CDIN1: variants seen among roughly 807,000 people sequenced by gnomAD.
CDIN1 encodes CDAN1 interacting nuclease 1, also known as CDAN1-interacting nuclease 1.
CDIN1 carries 33 observed loss-of-function variants against 45.3 expected under a neutral mutation model. The ratio of observed to expected loss-of-function variants is 0.73; its 90% CI spans 0.55 to 0.97. CDIN1 has a LOEUF of 0.97. CDIN1 is among the 50% of genes least tolerant of loss of function. The pLI is 0.00. For missense variants in CDIN1, 303 were observed against 339.4 expected (o/e 0.89, Z 0.84); for synonymous variants, 118 against 124.4 (o/e 0.95, Z 0.34).
intron 5 of CDIN1, chr15:36,691,371 A>AT (rs370420605): frequency 0.03 from 7,606 of 254,196 alleles, 39 homozygotes; most frequent in African/African-American, 0.048. Flanking sequence ...ATATTTTCTG[A>AT]TTTTTTTTTT....
intron 10 of CDIN1, among the ~76,000 whole-genome samples, chr15:36,774,274 G>C (rs980977385): frequency 5.9e-5 from 9 of 151,860 alleles, no homozygotes; most frequent in African/African-American, 2.2e-4. Flanking sequence ...ACTCTCCAAG[G>C]GTTAACAAAC....
chr15:36,695,226 C>T (rs1164474995), intron 7 of CDIN1, among the ~76,000 whole-genome samples: 3 of 151,520 alleles, frequency 2.0e-5, no homozygotes, highest in Non-Finnish European at 4.4e-5. Flanking sequence ...TAATAAATAA[C>T]GAAGTTTTAT....
chr15:36,641,550 G>A (rs962867358), intron 1 of CDIN1: 10 of 152,088 alleles, frequency 6.6e-5, no homozygotes, highest in Admixed American at 3.9e-4. Context: ...GTTTTGATGG[G>A]GTTTTAATAC....
At chr15:36,782,447 T>C (rs1003847382) in intron 10 of CDIN1, among the ~76,000 whole-genome samples, 3 of 152,176 alleles carry the variant, frequency 2.0e-5, no homozygotes, top group African/African-American at 7.2e-5. Flanking sequence ...TTTAGCATTT[T>C]TGTTCCTGCT....
chr15:36,646,335 T>C (rs1387327922), intron 3 of CDIN1, among the ~76,000 whole-genome samples: 1 of 152,116 alleles, frequency 6.6e-6, no homozygotes, highest in Non-Finnish European at 1.5e-5. Flanking sequence ...TAAAAAAAAT[T>C]ATTCACTGCT....
chr15:36,708,307 G>A (rs2042940052), intron 8 of CDIN1: 1 of 151,998 alleles, frequency 6.6e-6, no homozygotes, highest in Non-Finnish European at 1.5e-5. Context: ...TTACTTGGTC[G>A]GGCCATTAGT....
chr15:36,685,543 C>A (rs940327460), intron 5 of CDIN1, among the ~76,000 whole-genome samples: 2 of 152,056 alleles, frequency 1.3e-5, no homozygotes, highest in African/African-American at 4.8e-5. Flanking sequence ...GGCAACAAAA[C>A]ACAAAATTGA....
In CDIN1 at chr15:36,654,094, C is replaced by G. The variant is rs541149145; in HGVS notation, c.213-4C>G. The G allele has an allele frequency of 4.4e-6, 7 of 1,574,682 alleles. No individual in the cohort carries two copies. The highest frequency in any genetic ancestry group is 3.5e-5 in the South Asian group (3 of 85,834). ...GCATTACCACTTGGCTTTGTCTTGT[C>G]TAGGTACCTGAATGGAGTGGTGAAA... On this transcript the variant is annotated splice_region_variant and splice_polypyrimidine_tract_variant and intron_variant, in intron 3 of 10. Coordinates refer to ENST00000566621, the MANE Select transcript of CDIN1 (RefSeq NM_001321759.2).
chr15:36,621,441 T>G (rs1400153798), intron 1 of CDIN1, among the ~76,000 whole-genome samples: 2 of 152,236 alleles, frequency 1.3e-5, no homozygotes, highest in Non-Finnish European at 2.9e-5. Flanking sequence ...TTGATTTGGT[T>G]GTTTTATGAC....
At chr15:36,756,954 A>C (rs1470531032) in intron 10 of CDIN1, among the ~76,000 whole-genome samples, 1 of 152,180 alleles carries the variant, frequency 6.6e-6, no homozygotes, top group Non-Finnish European at 1.5e-5. Flanking sequence ...AAAGTAATGG[A>C]GTCCCCCATG....
chr15:36,723,026 C>A (rs8036090), intron 10 of CDIN1, among the ~76,000 whole-genome samples: 34,946 of 151,402 alleles, frequency 0.23, 4,178 homozygotes, highest in East Asian at 0.3. Flanking sequence ...CTCTTAAGAT[C>A]TGTGTGAATT....
intron 10 of CDIN1, among the ~76,000 whole-genome samples, chr15:36,719,072 AT>A (rs748914767): frequency 6.6e-5 from 10 of 151,824 alleles, no homozygotes; most frequent in Non-Finnish European, 1.5e-4. Context: ...AAAAAAAAAA[AT>A]TAGCCAGGCA....
chr15:36,701,126 A>G (rs28603179), intron 8 of CDIN1, among the ~76,000 whole-genome samples: 3,240 of 37,844 alleles, frequency 0.086, 105 homozygotes, highest in African/African-American at 0.19. Context: ...AGGTAGGTAG[A>G]TAGATAGATA....
At chr15:36,745,340 G>T (rs1330817868) in intron 10 of CDIN1, among the ~76,000 whole-genome samples, 3 of 152,090 alleles carry the variant, frequency 2.0e-5, no homozygotes, top group African/African-American at 7.2e-5. Context: ...ATGCTGGCCA[G>T]AATGAACTTA....
chr15:36,760,991 T>C (rs2053745494), intron 10 of CDIN1, among the ~76,000 whole-genome samples: 1 of 152,208 alleles, frequency 6.6e-6, no homozygotes, highest in Non-Finnish European at 1.5e-5. Flanking sequence ...TACACTCTCA[T>C]TGTTACTTTC....
At chr15:36,713,115 T>C (rs1288759178) in intron 10 of CDIN1, among the ~76,000 whole-genome samples, 2 of 152,190 alleles carry the variant, frequency 1.3e-5, no homozygotes, top group Non-Finnish European at 2.9e-5. Context: ...TGGTCTCTAA[T>C]GTGTGACCTT....
At chr15:36,629,006 G>T (rs1293272934) in intron 1 of CDIN1, among the ~76,000 whole-genome samples, 1 of 152,158 alleles carries the variant, frequency 6.6e-6, no homozygotes, top group South Asian at 2.1e-4. Context: ...GGAGTGATGT[G>T]TCCACAAGCT....
intron 10 of CDIN1, among the ~76,000 whole-genome samples, chr15:36,765,789 A>G (rs1387228131): frequency 6.6e-6 from 1 of 152,342 alleles, no homozygotes; most frequent in African/African-American, 2.4e-5. Context: ...GTTTGGACAT[A>G]AGCATCTACT....
intron 10 of CDIN1, among the ~76,000 whole-genome samples, chr15:36,787,441 A>T (rs2054520796): frequency 6.6e-6 from 1 of 152,234 alleles, no homozygotes; most frequent in African/African-American, 2.4e-5. Flanking sequence ...AGGATACTGT[A>T]ATAATAAGAA....
Sources: allele counts gnomAD v4.1 joint callset (sites outside exome capture counted in the v4.1 genomes callset), GRCh38; gene constraint gnomAD v4.1.1; transcripts MANE v1.5; gene names NCBI Gene and HGNC (gene_info 2026-07-23, HGNC 2026-07-21).